Variants in FER1L6 observed in about 807,000 individuals in gnomAD.
FER1L6 encodes the protein fer-1 like family member 6, also known as fer-1-like protein 6.
A neutral mutation model predicts 219.2 loss-of-function variants in FER1L6; 177 were observed. The observed-to-expected ratio is 0.81, with a 90% CI of 0.71 to 0.91. The LOEUF (loss-of-function observed/expected upper bound fraction) is 0.91. Ranked by LOEUF, FER1L6 falls within the 40% of genes least tolerant of loss-of-function variation. The probability of loss-of-function intolerance (pLI) is 0.00; values close to 1 mark genes in which losing one functional copy is unlikely to be tolerated. For synonymous variants in FER1L6, 768 were observed against 824.3 expected (o/e 0.93, Z 1.17); for missense variants, 2,153 against 2,259.9 (o/e 0.95, Z 0.96).
At chr8:124,023,360 A>T in intron 17 of FER1L6, 84 bp from the exon 18 acceptor site, 2 of 1,335,554 alleles carry the variant, frequency 1.5e-6, no homozygotes, top group Non-Finnish European at 2.1e-6. Context: ...ATTTCAGGAT[A>T]GCAGAACTCT....
intron 26 of FER1L6, among the ~76,000 whole-genome samples, chr8:124,065,059 C>A (rs955316247): frequency 2.6e-5 from 4 of 152,020 alleles, no homozygotes; most frequent in African/African-American, 9.7e-5. Flanking sequence ...AGTGAAAAAT[C>A]TTGGTGTATC....
At chr8:124,051,645 G>A (rs1371974312) in intron 22 of FER1L6, among the ~76,000 whole-genome samples, 3 of 152,176 alleles carry the variant, frequency 2.0e-5, no homozygotes, top group East Asian at 3.8e-4. Context: ...TGGATAGAAA[G>A]GTAATTACTT....
chr8:123,963,379 T>A lies in FER1L6; in HGVS notation c.178T>A (p.Ser60Thr). The A allele has an allele frequency of 6.2e-7, 1 of 1,614,090 alleles. No individual in the cohort carries two copies. Among genetic ancestry groups the A allele is most frequent in the South Asian group, 1.1e-5 (1 of 91,080 alleles). ...TGATGCTTCTATCTTTCCTGTCCCC[T>A]CAGCTTCTCCAAAGAGAAGGTACAG... ...HDDASIFPVP[S>T]ASPKRRSKLL... is the part of the protein sequence containing the mutation. Residue 60 changes from serine (S) to threonine (T), a missense_variant, in exon 3 of 41, where the codon TCA becomes ACA. Transcript: ENST00000522917.
Position 124,060,510 on chromosome 8 carries a change from T to C in FER1L6, c.2986-38T>C, listed in dbSNP as rs752421271. ...CCAGGGCAGGTGTGGGGCTCCTCCG[T>C]GGATCTGTGGTGATGGCTCTGCTGG... On this transcript the variant is annotated intron_variant, in intron 23 of 40. Coordinates refer to ENST00000522917, the MANE Select transcript of FER1L6 (RefSeq NM_001039112.2). 2.2e-5 allele frequency: 36 copies of C among 1,607,712 alleles called. No individual in the cohort carries two copies. In the East Asian group the frequency reaches 7.6e-4, roughly 34 times the overall value.
chr8:124,003,236 A>T lies in FER1L6; in HGVS notation c.1589A>T (p.Glu530Val). 1 of 1,614,064 alleles carries T rather than the reference A, an allele frequency of 6.2e-7. No individual in the cohort carries two copies. The highest frequency in any genetic ancestry group is 1.1e-5 in the South Asian group (1 of 91,078). ...AAGAAGTCAGCTGAATCAGCTGAAGAAGACCTCCTTCCACTGCTTCACGAA... is the reference window on the plus strand; with the variant it reads ...AAGAAGTCAGCTGAATCAGCTGAAGTAGACCTCCTTCCACTGCTTCACGAA... ...GSKKSAESAE[E>V]DLLPLLHEGQ... The change falls in exon 13 of 41, where the codon GAA (glutamate) becomes GTA (valine). Residue 530 changes from glutamate (E) to valine (V), a missense_variant. Transcript: ENST00000522917.
chr8:123,916,701 T>A (rs1033845385), intron 1 of FER1L6, among the ~76,000 whole-genome samples: 1 of 152,180 alleles, frequency 6.6e-6, no homozygotes, highest in Admixed American at 6.6e-5. Flanking sequence ...ATGGTGCATT[T>A]GGATGGTTAT....
intron 32 of FER1L6, among the ~76,000 whole-genome samples, chr8:124,077,940 G>A (rs764557017): frequency 3.3e-5 from 5 of 152,154 alleles, no homozygotes; most frequent in African/African-American, 4.8e-5. Context: ...CCTCAGTATC[G>A]GTGTGAGGGT....
rs1455302448 is a variant in FER1L6, at chr8:124,095,005, A to AC, written c.4663dup (p.Leu1555ProfsTer6). 1 of 1,614,146 alleles carries AC rather than the reference A, an allele frequency of 6.2e-7. No homozygotes were observed. Among genetic ancestry groups the AC allele is most frequent in the Non-Finnish European group, 8.5e-7 (1 of 1,179,988 alleles). The stretch of plus-strand genomic sequence containing the variant: ...TTCCTGAACACATAGAAACTCGGCC[A>AC]CTGTACCACAAGGATAAGCCAGGAA... On this transcript the variant is annotated frameshift_variant, in exon 35 of 41. Transcript: ENST00000522917. LOFTEE classifies it high-confidence loss of function.
chr8:124,103,370 AC>A, intron 39 of FER1L6, 61 bp downstream of exon 39: 1 of 1,524,436 alleles, frequency 6.6e-7, no homozygotes. Flanking sequence ...ATGCTTTTCC[AC>A]TGAGTCATTT....
At position 124,111,810 on chromosome 8, in the gene FER1L6, T is replaced by A. The variant is rs1248417124; in HGVS notation, c.5290-7034T>A. 6.6e-6 allele frequency among the ~76,000 whole-genome samples: 1 copy of A among 151,956 alleles called. No homozygotes were observed. The highest frequency in any genetic ancestry group is 1.9e-4 in the East Asian group (1 of 5,156). On this transcript the variant is annotated intron_variant, in intron 39 of 40. Coordinates refer to ENST00000522917, the MANE Select transcript of FER1L6 (RefSeq NM_001039112.2). This position sits in a 1 kb window ranked among gnomAD's most constrained non-coding sequence, Gnocchi z 5.0. ...ACTGCAACCTGTTTTATCAGGAAGG[T>A]CTTTATGACCTGTATCTTGTGCTGA...
At chr8:124,007,281 TCTCTCTCC>T (rs886920858) in intron 13 of FER1L6, among the ~76,000 whole-genome samples, 7 of 151,886 alleles carry the variant, frequency 4.6e-5, no homozygotes, top group African/African-American at 1.5e-4. Flanking sequence ...TCTCTCTTTC[TCTCTCTCC>T]CTCTCTCCCT....
At chr8:123,932,338 AC>A (rs1243737554) in intron 1 of FER1L6, among the ~76,000 whole-genome samples, 3 of 152,084 alleles carry the variant, frequency 2.0e-5, no homozygotes, top group Non-Finnish European at 4.4e-5. Context: ...GAAACTCCTG[AC>A]CTCAGGTGAT....
In FER1L6 at chr8:123,966,169, C is replaced by T. The variant is rs767136918; in HGVS notation, c.263C>T (p.Thr88Ile). 2.5e-6 allele frequency: 4 copies of T among 1,614,020 alleles called. No individual in the cohort carries two copies. The highest frequency in any genetic ancestry group is 3.3e-5 in the Admixed American group (2 of 60,006). ...VRSQNYQIAI[T>I]ITEARQLVGE... ...TGCTTTGTGTTGCAGATTGCCATAA[C>T]CATCACCGAGGCTCGCCAGCTGGTG... The change falls in exon 5 of 41, where the codon ACC (threonine) becomes ATC (isoleucine). Residue 88 changes from threonine (T) to isoleucine (I), a missense_variant. Physicochemically the swap from Thr to Ile is moderately conservative, Grantham distance 89. Coordinates refer to ENST00000522917, the MANE Select transcript of FER1L6 (RefSeq NM_001039112.2).
intron 18 of FER1L6, among the ~76,000 whole-genome samples, chr8:124,034,963 C>T (rs1025705035): frequency 6.6e-6 from 1 of 152,146 alleles, no homozygotes; most frequent in Non-Finnish European, 1.5e-5. Flanking sequence ...CCTGTGTTTC[C>T]CCATTTATCA....
chr8:123,950,684 T>C (rs1250546826), intron 1 of FER1L6, among the ~76,000 whole-genome samples: 1 of 152,196 alleles, frequency 6.6e-6, no homozygotes, highest in Admixed American at 6.5e-5. Flanking sequence ...AATCTCATTA[T>C]AATGCTTGAG....
chr8:124,032,575 A>T (rs1276832843), intron 18 of FER1L6, among the ~76,000 whole-genome samples: 4 of 151,896 alleles, frequency 2.6e-5, no homozygotes, highest in African/African-American at 4.8e-5. Context: ...CCTCCCAAAA[A>T]ATCAATAAAT....
intron 32 of FER1L6, among the ~76,000 whole-genome samples, chr8:124,078,928 C>T (rs1302309709): frequency 6.6e-6 from 1 of 152,180 alleles, no homozygotes; most frequent in Non-Finnish European, 1.5e-5. Context: ...GTTTGGGATA[C>T]TGAAAGTATG....
chr8:124,009,469 A>C (rs1204442103), intron 13 of FER1L6, among the ~76,000 whole-genome samples: 1 of 151,722 alleles, frequency 6.6e-6, no homozygotes, highest in Non-Finnish European at 1.5e-5. Flanking sequence ...CTGATGTTGC[A>C]GGGTCGTGGA....
chr8:124,025,110 G>A (rs1289343565), intron 18 of FER1L6, among the ~76,000 whole-genome samples: 1 of 151,834 alleles, frequency 6.6e-6, no homozygotes, highest in Admixed American at 6.6e-5. Flanking sequence ...AGTCCTTTAT[G>A]GAATGCATAA....
Sources: gnomAD v4.1 joint callset for allele counts (sites outside exome capture counted in the v4.1 genomes callset) on GRCh38, gnomAD v4.1.1 for gene constraint, Gnocchi (gnomAD v3.1) non-coding constraint, MANE v1.5 for transcripts, NCBI Gene and HGNC (gene_info 2026-07-23, HGNC 2026-07-21) for gene names.